PARG: variants seen among roughly 807,000 people sequenced by gnomAD.
The protein encoded by PARG is poly(ADP-ribose) glycohydrolase.
PARG carries 35 observed loss-of-function variants against 113.0 expected under a neutral mutation model. The observed-to-expected ratio is 0.31, with a 90% CI of 0.24 to 0.41. The LOEUF (loss-of-function observed/expected upper bound fraction) is 0.41. Among genes scored for constraint, PARG ranks in the 10% least tolerant of loss-of-function variants. PARG has a pLI of 1.00. For missense variants in PARG, 797 were observed against 1,169.4 expected, an observed-to-expected ratio of 0.68 and a Z score of 4.64; for synonymous variants, 330 against 409.9, an observed-to-expected ratio of 0.81 and a Z score of 2.36.
intron 7 of PARG, among the ~76,000 whole-genome samples, chr10:49,905,158 C>A (rs1188274647): frequency 1.1e-4 from 17 of 152,260 alleles, no homozygotes; most frequent in African/African-American, 4.1e-4. Flanking sequence ...TATGTTGAAA[C>A]CCTTAAAATA....
chr10:49,833,126 A>G, intron 15 of PARG: 1 of 327,612 alleles, frequency 3.1e-6, no homozygotes, highest in Non-Finnish European at 5.5e-6. Flanking sequence ...AAATTCTAAT[A>G]TTTATTTGTT....
chr10:49,940,135 G>A (rs1838955561), intron 1 of PARG, among the ~76,000 whole-genome samples: 1 of 151,986 alleles, frequency 6.6e-6, no homozygotes, highest in African/African-American at 2.4e-5. Context: ...CTCCAGCACA[G>A]AAATATTTCT....
chr10:49,884,656 AG>A (rs1554840087), intron 8 of PARG, among the ~76,000 whole-genome samples: 1 of 149,496 alleles, frequency 6.7e-6, no homozygotes, highest in African/African-American at 2.5e-5. Flanking sequence ...GCTTGAATCC[AG>A]GAGGTGGAGG....
intron 7 of PARG, among the ~76,000 whole-genome samples, chr10:49,915,660 T>C (rs1431678859): frequency 1.3e-5 from 2 of 152,118 alleles, no homozygotes; most frequent in Admixed American, 1.3e-4. Context: ...CAAAATCTAA[T>C]CATGGACTAT....
chr10:49,941,002 A>G (rs2133022747), intron 1 of PARG, among the ~76,000 whole-genome samples: 1 of 152,252 alleles, frequency 6.6e-6, no homozygotes, highest in East Asian at 1.9e-4. Flanking sequence ...TATTATATTA[A>G]CTTTTGCTAT....
intron 15 of PARG, among the ~76,000 whole-genome samples, chr10:49,839,981 A>T (rs1348967015): frequency 6.6e-6 from 1 of 152,196 alleles, no homozygotes; most frequent in African/African-American, 2.4e-5. Context: ...GTCTTATTCT[A>T]CTCGATATGC....
At chr10:49,913,459 T>C (rs1443913874) in intron 7 of PARG, among the ~76,000 whole-genome samples, 3 of 152,252 alleles carry the variant, frequency 2.0e-5, no homozygotes, top group African/African-American at 7.2e-5. Flanking sequence ...GATTTTATAA[T>C]ACAGCATAAA....
chr10:49,838,523 G>A (rs1845066213), intron 15 of PARG, among the ~76,000 whole-genome samples: 1 of 151,226 alleles, frequency 6.6e-6, no homozygotes, highest in African/African-American at 2.4e-5. Flanking sequence ...ATGTGACCTG[G>A]CCTGCGACAA....
At chr10:49,829,756 ATTT>A (rs1443436587) in intron 16 of PARG, among the ~76,000 whole-genome samples, 5 of 152,244 alleles carry the variant, frequency 3.3e-5, no homozygotes, top group Admixed American at 2.0e-4. Flanking sequence ...TGTGTGTGAT[ATTT>A]TATATTCACA....
In PARG at chr10:49,886,164, T is replaced by C. The variant is rs1348565858; in HGVS notation, c.1738-869A>G. ...TGAGGCCAAGGAGGTTACCTGATCA[T>C]CCTACATTGAGGTCAATTAAAACCA... On this transcript the variant is annotated intron_variant, in intron 7 of 17. Coordinates refer to ENST00000616448, the MANE Select transcript of PARG (RefSeq NM_003631.5). Among the ~76,000 whole-genome samples the C allele has an allele frequency of 5.9e-5, 9 of 152,188 alleles. No individual in the cohort carries two copies. The South Asian group carries it at 1.9e-3, about 32-fold the overall frequency.
chr10:49,904,736 T>C (rs1417671124), intron 7 of PARG, among the ~76,000 whole-genome samples: 10 of 151,720 alleles, frequency 6.6e-5, no homozygotes, highest in Non-Finnish European at 1.5e-4. Context: ...GCCAACATGG[T>C]GAAACCCCAT....
chr10:49,826,117 A>G (rs1458852788), intron 16 of PARG, among the ~76,000 whole-genome samples: 1 of 152,154 alleles, frequency 6.6e-6, no homozygotes, highest in Non-Finnish European at 1.5e-5. Flanking sequence ...TGGGATACTC[A>G]ACCTGTAAGA....
intron 6 of PARG, among the ~76,000 whole-genome samples, chr10:49,919,859 A>C (rs185346494): frequency 4.8e-4 from 73 of 152,296 alleles, no homozygotes; most frequent in African/African-American, 1.7e-3. Context: ...CTGATGTTCT[A>C]TATAAGGATC....
At chr10:49,836,423 G>A (rs994319775) in intron 15 of PARG, among the ~76,000 whole-genome samples, 1 of 144,426 alleles carries the variant, frequency 6.9e-6, no homozygotes, top group African/African-American at 2.5e-5. Context: ...TCGGCCTCTC[G>A]AGTAGCTGAG....
chr10:49,895,818 C>T (rs1848057189), intron 7 of PARG, among the ~76,000 whole-genome samples: 1 of 152,136 alleles, frequency 6.6e-6, no homozygotes. Context: ...CTTCAAGATA[C>T]TGGTCTTACA....
At chr10:49,894,221 T>C (rs1216343970) in intron 7 of PARG, among the ~76,000 whole-genome samples, 5 of 151,110 alleles carry the variant, frequency 3.3e-5, no homozygotes, top group African/African-American at 1.2e-4. Flanking sequence ...TTTTTTTTTT[T>C]TGTAGAGACA....
intron 7 of PARG, among the ~76,000 whole-genome samples, chr10:49,893,669 C>T (rs1345316853): frequency 2.6e-5 from 4 of 151,900 alleles, no homozygotes; most frequent in Non-Finnish European, 5.9e-5. Flanking sequence ...TGTGTGCCAA[C>T]ATGCCTGGCT....
intron 7 of PARG, among the ~76,000 whole-genome samples, chr10:49,898,217 C>T (rs1292993058): frequency 6.6e-5 from 10 of 152,356 alleles, no homozygotes; most frequent in Admixed American, 2.0e-4. Flanking sequence ...TACAGAGTTA[C>T]GAAAGCTTTC....
chr10:49,882,517 A>C (rs553847220), intron 8 of PARG, among the ~76,000 whole-genome samples: 2 of 152,356 alleles, frequency 1.3e-5, no homozygotes, highest in Middle Eastern at 3.4e-3. Context: ...ATGGAGAAGA[A>C]AGTCACTGGG....
Sources: allele counts gnomAD v4.1 joint callset (sites outside exome capture counted in the v4.1 genomes callset), GRCh38; gene constraint gnomAD v4.1.1; transcripts MANE v1.5; gene names NCBI Gene and HGNC (gene_info 2026-07-23, HGNC 2026-07-21).